The following CNTN5 variants were observed in gnomAD, a reference collection of about 807,000 sequenced individuals.
The protein encoded by CNTN5 is contactin 5, also known as contactin-5.
Under a neutral mutation model 129.1 loss-of-function variants are expected in CNTN5, and 77 were observed. The ratio of observed to expected loss-of-function variants is 0.60; its 90% CI spans 0.50 to 0.72. The LOEUF is 0.72. Among genes scored for constraint, CNTN5 ranks in the 30% least tolerant of loss-of-function variants. CNTN5 has a pLI of 0.00. For missense variants in CNTN5, 1,478 were observed against 1,328.8 expected, an observed-to-expected ratio of 1.11 and a Z score of -1.75; for synonymous variants, 509 against 465.6, an observed-to-expected ratio of 1.09 and a Z score of -1.20.
intron 6 of CNTN5, among the ~76,000 whole-genome samples, chr11:99,912,077 C>T (rs931471820): frequency 7.9e-5 from 12 of 151,592 alleles, no homozygotes; most frequent in African/African-American, 2.4e-4. Flanking sequence ...TTTAAGCTAC[C>T]TCAAATACTT....
chr11:99,920,891 T>C (rs1388318420), intron 7 of CNTN5, among the ~76,000 whole-genome samples: 2 of 152,138 alleles, frequency 1.3e-5, no homozygotes, highest in East Asian at 3.9e-4. Flanking sequence ...CCATAGAAGG[T>C]GGTATTTGGA....
chr11:100,300,457 A>G (rs1019798881), intron 20 of CNTN5, among the ~76,000 whole-genome samples: 2 of 151,618 alleles, frequency 1.3e-5, no homozygotes, highest in African/African-American at 4.8e-5. Context: ...CCCCATACCA[A>G]TAAGTGTGGT....
rs1423171890 is a variant in CNTN5, at chr11:99,721,453, C to A, written c.56-98091C>A. On this transcript the variant is annotated intron_variant, in intron 3 of 24. Coordinates refer to ENST00000524871, the MANE Select transcript of CNTN5 (RefSeq NM_014361.4). ...ATATGCAGAAGATGGAAGCTGGACC[C>A]CTTCCTTACACCATATACAGAAGTC... 2.6e-5 allele frequency among the ~76,000 whole-genome samples: 4 copies of A among 152,050 alleles called. No individual in the cohort carries two copies. The East Asian group carries it at 7.7e-4, about 29-fold the overall frequency.
chr11:100,181,529 G>A (rs1325326233), intron 13 of CNTN5, among the ~76,000 whole-genome samples: 3 of 151,840 alleles, frequency 2.0e-5, no homozygotes, highest in Non-Finnish European at 4.4e-5. Flanking sequence ...CCAAAGTGGT[G>A]AAAAATATTG....
chr11:99,632,771 C>A (rs1352644917), intron 3 of CNTN5, among the ~76,000 whole-genome samples: 1 of 152,026 alleles, frequency 6.6e-6, no homozygotes, highest in Non-Finnish European at 1.5e-5. Flanking sequence ...TGTTGTTTTG[C>A]ATTGATTGGC....
rs1044198506 is a variant in CNTN5, at chr11:100,011,259, T to C, written c.980+9123T>C. Among the ~76,000 whole-genome samples, 84 of 152,112 alleles carry C rather than the reference T, an allele frequency of 5.5e-4. 3 individuals carry two copies. The highest frequency in any genetic ancestry group is 2.2e-4 in the Non-Finnish European group (15 of 68,022). Reference sequence around the variant, plus strand: ...TACAGACCCTAGAAAGAGCACTAGATATGTCAACTAGCCTCCAACAGAAAC... The same window carrying C: ...TACAGACCCTAGAAAGAGCACTAGACATGTCAACTAGCCTCCAACAGAAAC... On this transcript the variant is annotated intron_variant, in intron 9 of 24. Coordinates refer to ENST00000524871, the MANE Select transcript of CNTN5 (RefSeq NM_014361.4).
intron 16 of CNTN5, among the ~76,000 whole-genome samples, chr11:100,255,314 A>G (rs1950044054): frequency 6.6e-6 from 1 of 152,114 alleles, no homozygotes; most frequent in African/African-American, 2.4e-5. Flanking sequence ...TGTACATTGT[A>G]TGTTCTCTGA....
chr11:100,004,196 C>T (rs1405281995), intron 9 of CNTN5, among the ~76,000 whole-genome samples: 1 of 152,164 alleles, frequency 6.6e-6, no homozygotes, highest in African/African-American at 2.4e-5. Flanking sequence ...CACTGGATAT[C>T]GTCAGGATCT....
chr11:100,115,821 C>G (rs1945823511), intron 13 of CNTN5, among the ~76,000 whole-genome samples: 1 of 151,946 alleles, frequency 6.6e-6, no homozygotes, highest in African/African-American at 2.4e-5. Flanking sequence ...TAAAATGTTA[C>G]AAGGTATTTT....
chr11:99,541,956 C>CAAAAAAAAAAAAAAAA (rs56363127), intron 2 of CNTN5, among the ~76,000 whole-genome samples: 9 of 68,858 alleles, frequency 1.3e-4, no homozygotes, highest in Non-Finnish European at 1.9e-4. Flanking sequence ...GATCTTGTCT[C>CAAAAAAAAAAAAAAAA]AAAAAAAAAA....
chr11:99,999,835 T>G (rs1018559817), intron 8 of CNTN5, among the ~76,000 whole-genome samples: 5 of 152,004 alleles, frequency 3.3e-5, no homozygotes, highest in African/African-American at 9.7e-5. Flanking sequence ...CCATAAAAAA[T>G]GATGAGTTCA....
chr11:99,790,532 A>G (rs577125593), intron 3 of CNTN5, among the ~76,000 whole-genome samples: 1 of 152,228 alleles, frequency 6.6e-6, no homozygotes, highest in African/African-American at 2.4e-5. Flanking sequence ...TTAGTGTTCT[A>G]TAGCGTGTGT....
chr11:100,029,950 C>T (rs1941624780), intron 9 of CNTN5, among the ~76,000 whole-genome samples: 1 of 152,140 alleles, frequency 6.6e-6, no homozygotes, highest in African/African-American at 2.4e-5. Flanking sequence ...TTGTGCTTTA[C>T]TTGAATGGAA....
intron 3 of CNTN5, among the ~76,000 whole-genome samples, chr11:99,613,395 T>G (rs2135737522): frequency 6.6e-6 from 1 of 152,270 alleles, no homozygotes; most frequent in Middle Eastern, 3.4e-3. Context: ...TCCGCCATGT[T>G]TGTGAGTTTT....
At position 100,083,158 on chromosome 11, in the gene CNTN5, A is replaced by C. The variant is rs1318616599; in HGVS notation, c.1580+8864A>C. 3.3e-5 allele frequency among the ~76,000 whole-genome samples: 5 copies of C among 152,042 alleles called. No individual in the cohort carries two copies. In the East Asian group the frequency reaches 9.7e-4, roughly 29 times the overall value. ...TGGTGAAACACTGTTTCTACTAAAA[A>C]TACAAAAAATTAGCTGGGCGTGGTG... On this transcript the variant is annotated intron_variant, in intron 13 of 24. Coordinates refer to ENST00000524871, the MANE Select transcript of CNTN5 (RefSeq NM_014361.4).
chr11:99,804,100 C>T (rs937615457), intron 3 of CNTN5, among the ~76,000 whole-genome samples: 1 of 152,082 alleles, frequency 6.6e-6, no homozygotes, highest in Admixed American at 6.6e-5. Context: ...CCCAAATCTT[C>T]TACTTTTTAT....
chr11:99,973,435 C>T (rs765895330), intron 8 of CNTN5, among the ~76,000 whole-genome samples: 2 of 152,022 alleles, frequency 1.3e-5, no homozygotes, highest in South Asian at 2.1e-4. Flanking sequence ...CACTTTGCTT[C>T]GACAGTCTTT....
At chr11:100,014,810 C>T (rs1437163416) in intron 9 of CNTN5, among the ~76,000 whole-genome samples, 7 of 151,968 alleles carry the variant, frequency 4.6e-5, no homozygotes, top group Admixed American at 4.6e-4. Flanking sequence ...CCAACTGCAC[C>T]TCTTAATTTA....
chr11:99,223,848 T>C (rs910966535), intron 1 of CNTN5, among the ~76,000 whole-genome samples: 1 of 152,188 alleles, frequency 6.6e-6, no homozygotes, highest in Non-Finnish European at 1.5e-5. Context: ...CCTCAAATAT[T>C]TGGAGGACCT....
Sources: gnomAD v4.1 joint callset for allele counts (sites outside exome capture counted in the v4.1 genomes callset) on GRCh38, gnomAD v4.1.1 for gene constraint, MANE v1.5 for transcripts, NCBI Gene and HGNC (gene_info 2026-07-23, HGNC 2026-07-21) for gene names.